FYB1: variants seen among roughly 807,000 people sequenced by gnomAD.
FYB1 encodes FYN binding protein 1.
A neutral mutation model predicts 94.1 loss-of-function variants in FYB1; 41 were observed. The observed-to-expected ratio is 0.44, with a 90% CI of 0.34 to 0.57. The LOEUF (loss-of-function observed/expected upper bound fraction) is 0.57. FYB1 is among the 20% of genes least tolerant of loss of function. FYB1 has a pLI of 0.02. For synonymous variants in FYB1, 367 were observed against 353.2 expected, an observed-to-expected ratio of 1.04 and a Z score of -0.44; for missense variants, 1,050 against 976.8, an observed-to-expected ratio of 1.07 and a Z score of -1.00.
chr5:39,228,391 T>C (rs1423464017), intron 1 of FYB1, among the ~76,000 whole-genome samples: 1 of 152,202 alleles, frequency 6.6e-6, no homozygotes, highest in Non-Finnish European at 1.5e-5. Context: ...TGTTGTTTCT[T>C]ATATATTCTG....
At chr5:39,251,639 C>T (rs1561309319) in intron 1 of FYB1, among the ~76,000 whole-genome samples, 1 of 150,930 alleles carries the variant, frequency 6.6e-6, no homozygotes. Context: ...TATACTAATC[C>T]TTTTTTTTTG....
chr5:39,142,885 G>A lies in FYB1; in HGVS notation c.1293-1744C>T, dbSNP rs139218535. 3.3e-5 allele frequency among the ~76,000 whole-genome samples: 5 copies of A among 152,234 alleles called. No homozygotes were observed. In the East Asian group the frequency reaches 9.7e-4, roughly 29 times the overall value. On this transcript the variant is annotated intron_variant, in intron 3 of 18. Transcript: ENST00000512982. ...CAGTATTGGCCATTTTGCCCTCTTT[G>A]AGTCTCCTTTGTTTGTTTCCATGAG...
chr5:39,215,673 A>G (rs1749803048), intron 1 of FYB1, among the ~76,000 whole-genome samples: 2 of 152,184 alleles, frequency 1.3e-5, no homozygotes, highest in Admixed American at 1.3e-4. Context: ...ATTACTACCA[A>G]AAGAGTGGCA....
At chr5:39,223,315 G>A (rs1044557159), upstream of FYB1, among the ~76,000 whole-genome samples, 28 of 152,118 alleles carry the variant, frequency 1.8e-4, no homozygotes, top group East Asian at 1.9e-4. Context: ...AATATGAGGA[G>A]CATATTTTCC....
chr5:39,221,060 G>A (rs564021747), upstream of FYB1, among the ~76,000 whole-genome samples: 1 of 152,096 alleles, frequency 6.6e-6, no homozygotes, highest in Admixed American at 6.5e-5. Context: ...TTTTTACCTG[G>A]CCCACAGCTA....
intron 2 of FYB1, among the ~76,000 whole-genome samples, chr5:39,171,263 C>T (rs1360614237): frequency 6.6e-6 from 1 of 151,774 alleles, no homozygotes; most frequent in Non-Finnish European, 1.5e-5. Flanking sequence ...GCTCTCTAGC[C>T]TGGGCAACAG....
At chr5:39,218,950 C>G (rs1036114568) in intron 1 of FYB1, among the ~76,000 whole-genome samples, 4 of 152,208 alleles carry the variant, frequency 2.6e-5, no homozygotes, top group African/African-American at 9.6e-5. Context: ...AGTATAGTCC[C>G]TTTCTTTAGT....
chr5:39,203,487 G>T (rs969651826), intron 1 of FYB1, among the ~76,000 whole-genome samples: 11 of 152,062 alleles, frequency 7.2e-5, no homozygotes. Flanking sequence ...TCTGTGGTTT[G>T]CAAGAGTATT....
chr5:39,118,154 T>C (rs1024850770), intron 16 of FYB1, among the ~76,000 whole-genome samples: 2 of 152,118 alleles, frequency 1.3e-5, no homozygotes, highest in East Asian at 1.9e-4. Context: ...TCATCCTGCC[T>C]CAGCCCCGCA....
Position 39,190,238 on chromosome 5 carries a change from G to C in FYB1, c.1135+11588C>G, listed in dbSNP as rs79777816. On this transcript the variant is annotated intron_variant, in intron 2 of 18. Transcript: ENST00000512982. ...GTGGGTTTCACTGACCGAAAAGAAGGGAGATTTGCAATGATGGTTGAAGGA... is the reference window on the plus strand; with the variant it reads ...GTGGGTTTCACTGACCGAAAAGAAGCGAGATTTGCAATGATGGTTGAAGGA... Among the ~76,000 whole-genome samples the C allele has an allele frequency of 7.9e-5, 12 of 152,300 alleles. No individual in the cohort carries two copies. The East Asian group carries it at 1.9e-3, about 25-fold the overall frequency.
intron 1 of FYB1, among the ~76,000 whole-genome samples, chr5:39,265,789 C>T (rs1249376530): frequency 6.6e-6 from 1 of 152,202 alleles, no homozygotes; most frequent in African/African-American, 2.4e-5. Context: ...AGCCTGGACA[C>T]CATGTGTTGT....
intron 2 of FYB1, among the ~76,000 whole-genome samples, chr5:39,183,411 T>C (rs1252580628): frequency 6.6e-6 from 1 of 152,150 alleles, no homozygotes; most frequent in Non-Finnish European, 1.5e-5. Context: ...ATCCCAAGGG[T>C]ACTTGCCTCT....
chr5:39,206,467 T>C (rs1425105030), intron 1 of FYB1, among the ~76,000 whole-genome samples: 1 of 152,222 alleles, frequency 6.6e-6, no homozygotes, highest in East Asian at 1.9e-4. Flanking sequence ...TCTGATTTCA[T>C]TGTAGATTGA....
chr5:39,125,578 T>G (rs1324983583), intron 12 of FYB1, among the ~76,000 whole-genome samples: 1 of 152,154 alleles, frequency 6.6e-6, no homozygotes, highest in East Asian at 1.9e-4. Context: ...TTGAAGAGTA[T>G]TCAATATAAA....
intron 7 of FYB1, among the ~76,000 whole-genome samples, chr5:39,135,321 G>A (rs563287586): frequency 2.6e-5 from 4 of 152,312 alleles, no homozygotes; most frequent in Non-Finnish European, 5.9e-5. Flanking sequence ...ACTGAACAGC[G>A]TTTATGTACA....
intron 1 of FYB1, among the ~76,000 whole-genome samples, chr5:39,218,039 G>A (rs1750010080): frequency 6.6e-6 from 1 of 152,186 alleles, no homozygotes; most frequent in African/African-American, 2.4e-5. Context: ...CAGCTGCTGC[G>A]AGCTTCCAAG....
At chr5:39,241,509 C>T (rs1236431354) in intron 1 of FYB1, among the ~76,000 whole-genome samples, 1 of 152,120 alleles carries the variant, frequency 6.6e-6, no homozygotes, top group African/African-American at 2.4e-5. Flanking sequence ...TCCCTTCCTC[C>T]TACCTCTCCT....
intron 1 of FYB1, among the ~76,000 whole-genome samples, chr5:39,239,114 C>T (rs753517785): frequency 6.6e-6 from 1 of 152,090 alleles, no homozygotes; most frequent in Non-Finnish European, 1.5e-5. Flanking sequence ...TTCATCATCC[C>T]TTCATGTTAA....
At chr5:39,207,997 A>T (rs1417936554) in intron 1 of FYB1, among the ~76,000 whole-genome samples, 1 of 152,226 alleles carries the variant, frequency 6.6e-6, no homozygotes, top group Non-Finnish European at 1.5e-5. Context: ...AATTACTGAA[A>T]TTAACTTACC....
Sources: allele counts gnomAD v4.1 joint callset (sites outside exome capture counted in the v4.1 genomes callset), GRCh38; gene constraint gnomAD v4.1.1; transcripts MANE v1.5; gene names NCBI Gene and HGNC (gene_info 2026-07-23, HGNC 2026-07-21).